ERBB4: variants seen among roughly 807,000 people sequenced by gnomAD.
The protein encoded by ERBB4 is erb-b2 receptor tyrosine kinase 4, also known as receptor tyrosine-protein kinase erbB-4.
Under a neutral mutation model 158.0 loss-of-function variants are expected in ERBB4, and 42 were observed. The ratio of observed to expected loss-of-function variants is 0.27; its 90% confidence interval spans 0.21 to 0.34. The LOEUF (loss-of-function observed/expected upper bound fraction) is 0.34. Among genes scored for constraint, ERBB4 ranks in the 10% least tolerant of loss-of-function variants. The pLI is 1.00. For synonymous variants in ERBB4, 583 were observed against 558.7 expected (o/e 1.04, Z -0.61); for missense variants, 1,333 against 1,624.1 (o/e 0.82, Z 3.08).
At chr2:211,582,530 G>A (rs1160026342) in intron 19 of ERBB4, among the ~76,000 whole-genome samples, 1 of 152,128 alleles carries the variant, frequency 6.6e-6, no homozygotes, top group African/African-American at 2.4e-5. Flanking sequence ...TAAATTATTA[G>A]AAAATGTTTC....
intron 18 of ERBB4, among the ~76,000 whole-genome samples, chr2:211,621,818 G>A (rs1242865194): frequency 3.3e-5 from 5 of 151,502 alleles, no homozygotes; most frequent in Non-Finnish European, 7.4e-5. Flanking sequence ...ACATAAATTT[G>A]CCTACTTGCT....
intron 3 of ERBB4, among the ~76,000 whole-genome samples, chr2:211,886,482 T>C (rs760162220): frequency 1.4e-4 from 21 of 152,226 alleles, no homozygotes; most frequent in Non-Finnish European, 2.9e-4. Flanking sequence ...GTGAATTCTA[T>C]AATTTCTAAC....
intron 1 of ERBB4, among the ~76,000 whole-genome samples, chr2:212,229,212 AGAGG>A (rs2083581071): frequency 1.3e-5 from 2 of 152,188 alleles, no homozygotes; most frequent in Admixed American, 1.3e-4. Flanking sequence ...AAGTTAGAAG[AGAGG>A]GAAACAGAAA....
At chr2:212,215,595 GT>G (rs2083074605) in intron 1 of ERBB4, among the ~76,000 whole-genome samples, 1 of 151,126 alleles carries the variant, frequency 6.6e-6, no homozygotes, top group South Asian at 2.1e-4. Context: ...TAGTTTTTGT[GT>G]TTTTATAGTA....
At chr2:212,049,621 A>G (rs2077347552) in intron 2 of ERBB4, among the ~76,000 whole-genome samples, 1 of 152,202 alleles carries the variant, frequency 6.6e-6, no homozygotes, top group South Asian at 2.1e-4. Flanking sequence ...AAAAAATGAC[A>G]TTTGTTTAAA....
intron 1 of ERBB4, among the ~76,000 whole-genome samples, chr2:212,286,594 C>CTTGTTTTTTTTTTTGTTTTTTTT (rs760466245): frequency 1.8e-5 from 1 of 55,540 alleles, no homozygotes; most frequent in Admixed American, 2.4e-4. Context: ...TAAGTGCTGA[C>CTTGTTTTTTTTTTTGTTTTTTTT]TTTTTTTTTT....
Position 211,732,980 on chromosome 2 carries a change from A to G in ERBB4, c.623-7786T>C, listed in dbSNP as rs377707010. Among the ~76,000 whole-genome samples the G allele has an allele frequency of 6.6e-5, 10 of 152,260 alleles. No individual in the cohort carries two copies. The East Asian group carries it at 1.4e-3, about 21-fold the overall frequency. ...TGACTGAGTGAGACTCCGTCTCAAA[A>G]AACAAAAAACAAACACAAAAAAAGA... On this transcript the variant is annotated intron_variant, in intron 5 of 27. Coordinates refer to ENST00000342788, the MANE Select transcript of ERBB4 (RefSeq NM_005235.3).
In ERBB4 at chr2:212,055,447, G is replaced by A. The variant is rs2077530007; in HGVS notation, c.234+69305C>T. ...AGAGAGTAGTGGTTCTCCCAACACA[G>A]AGTCTGAGATCTGAGAATGGATAGA... On this transcript the variant is annotated intron_variant, in intron 2 of 27. Transcript: ENST00000342788. Among the ~76,000 whole-genome samples the A allele has an allele frequency of 2.0e-5, 3 of 152,228 alleles. No homozygotes were observed. The South Asian group carries it at 6.2e-4, about 32-fold the overall frequency.
intron 2 of ERBB4, among the ~76,000 whole-genome samples, chr2:212,018,064 T>C (rs571385950): frequency 9.2e-5 from 14 of 152,258 alleles, no homozygotes; most frequent in African/African-American, 3.1e-4. Context: ...TAAAGAAATA[T>C]GGCTAAACTA....
intron 20 of ERBB4, among the ~76,000 whole-genome samples, chr2:211,503,261 C>A (rs1385909643): frequency 6.6e-6 from 1 of 152,090 alleles, no homozygotes; most frequent in Non-Finnish European, 1.5e-5. Flanking sequence ...TGGGCACCCA[C>A]CCTGCAAAAT....
chr2:212,410,564 C>T (rs1055098781), intron 1 of ERBB4, among the ~76,000 whole-genome samples: 10 of 152,018 alleles, frequency 6.6e-5, no homozygotes, highest in Non-Finnish European at 1.2e-4. Context: ...GCATGAAATG[C>T]ATGTGTGTTC....
intron 6 of ERBB4, 36 bp downstream of exon 6, chr2:211,725,040 G>T: frequency 7.3e-7 from 1 of 1,366,432 alleles, no homozygotes; most frequent in Non-Finnish European, 1.0e-6. Flanking sequence ...AAGGAAAGGA[G>T]AGCAGGATAA....
chr2:211,401,327 G>C (rs1362184915), intron 25 of ERBB4, among the ~76,000 whole-genome samples: 1 of 151,926 alleles, frequency 6.6e-6, no homozygotes, highest in African/African-American at 2.4e-5. Flanking sequence ...AAAGTCAATG[G>C]AACGCAAACA....
At chr2:211,987,968 T>C (rs1009936944) in intron 2 of ERBB4, among the ~76,000 whole-genome samples, 2 of 152,188 alleles carry the variant, frequency 1.3e-5, no homozygotes, top group African/African-American at 4.8e-5. Context: ...TTCTGTGACT[T>C]CATTTTTCTC....
intron 19 of ERBB4, among the ~76,000 whole-genome samples, chr2:211,573,635 A>G (rs1367550227): frequency 6.6e-6 from 1 of 152,142 alleles, no homozygotes; most frequent in Non-Finnish European, 1.5e-5. Flanking sequence ...GTGTCACTGC[A>G]CTCCAGCCTG....
chr2:212,403,363 T>C (rs2091262088), intron 1 of ERBB4, among the ~76,000 whole-genome samples: 1 of 151,994 alleles, frequency 6.6e-6, no homozygotes, highest in Non-Finnish European at 1.5e-5. Flanking sequence ...CAATTAAAAA[T>C]AGAACTACAT....
chr2:212,510,147 T>TAC (rs1266298110), intron 1 of ERBB4, among the ~76,000 whole-genome samples: 1 of 147,476 alleles, frequency 6.8e-6, no homozygotes, highest in Non-Finnish European at 1.5e-5. Context: ...TGTATATATA[T>TAC]ACATATAAAT....
intron 17 of ERBB4, 72 bp downstream of exon 17, chr2:211,630,390 T>C (rs1348421159): frequency 3.8e-6 from 6 of 1,566,042 alleles, no homozygotes; most frequent in South Asian, 1.1e-5. Context: ...ATTAAATAAT[T>C]GAACATCATC....
intron 1 of ERBB4, among the ~76,000 whole-genome samples, chr2:212,151,857 C>T (rs1159589010): frequency 2.0e-5 from 3 of 151,820 alleles, no homozygotes; most frequent in Non-Finnish European, 4.4e-5. Context: ...CCACTGCACT[C>T]CAGCTAAAAA....
Sources: allele counts gnomAD v4.1 joint callset (sites outside exome capture counted in the v4.1 genomes callset), GRCh38; gene constraint gnomAD v4.1.1; transcripts MANE v1.5; gene names NCBI Gene and HGNC (gene_info 2026-07-23, HGNC 2026-07-21).